The following DYNC2H1 variants were observed in gnomAD, a reference collection of about 807,000 sequenced individuals.
DYNC2H1 encodes the protein dynein cytoplasmic 2 heavy chain 1.
DYNC2H1 carries 410 observed loss-of-function variants against 570.0 expected under a neutral mutation model. The observed-to-expected ratio is 0.72, with a 90% CI of 0.66 to 0.78. DYNC2H1 has a LOEUF of 0.78. Ranked by LOEUF, DYNC2H1 falls within the 30% of genes least tolerant of loss-of-function variation. The probability of loss-of-function intolerance (pLI) is 0.00; values close to 1 mark genes in which losing one functional copy is unlikely to be tolerated. For synonymous variants in DYNC2H1, 1,688 were observed against 1,677.6 expected (o/e 1.01, Z -0.15); for missense variants, 4,865 against 5,046.4 (o/e 0.96, Z 1.09).
intron 40 of DYNC2H1, among the ~76,000 whole-genome samples, chr11:103,182,152 GTCTT>G (rs1383809734): frequency 2.6e-5 from 4 of 151,348 alleles, no homozygotes; most frequent in African/African-American, 9.7e-5. Context: ...TTACTAGAAT[GTCTT>G]TCTAATTTTT....
intron 56 of DYNC2H1, 126 bp downstream of exon 56, chr11:103,220,154 A>G (rs1359423981): frequency 6.0e-6 from 3 of 503,796 alleles, no homozygotes; most frequent in Non-Finnish European, 1.0e-5. Flanking sequence ...TTCAACCAAA[A>G]TGTTACTTGT....
chr11:103,428,521 A>T (rs1943762988), intron 84 of DYNC2H1, among the ~76,000 whole-genome samples: 1 of 152,214 alleles, frequency 6.6e-6, no homozygotes, highest in African/African-American at 2.4e-5. Context: ...TACTGTGTTA[A>T]CCATTTTTAA....
intron 70 of DYNC2H1, among the ~76,000 whole-genome samples, chr11:103,262,001 C>G (rs1865314030): frequency 6.6e-6 from 1 of 152,064 alleles, no homozygotes; most frequent in Admixed American, 6.6e-5. Context: ...TAGAGAAGAA[C>G]ATAAATGACC....
At chr11:103,281,959 T>C (rs1866155788) in intron 71 of DYNC2H1, among the ~76,000 whole-genome samples, 1 of 152,058 alleles carries the variant, frequency 6.6e-6, no homozygotes, top group Admixed American at 6.6e-5. Context: ...GGAGTTGTTT[T>C]GTTTTAATAA....
intron 70 of DYNC2H1, among the ~76,000 whole-genome samples, chr11:103,270,603 G>A (rs765110199): frequency 1.6e-5 from 2 of 126,876 alleles, no homozygotes; most frequent in Non-Finnish European, 3.5e-5. Flanking sequence ...TCTCTCTCTC[G>A]AACTATCTTA....
At position 103,173,097 on chromosome 11, in the gene DYNC2H1, A is replaced by G; in HGVS notation, c.5350A>G (p.Asn1784Asp). The change falls in exon 35 of 89, where the codon AAT becomes GAT. Residue 1784 changes from asparagine to aspartate, a missense_variant. Asn to Asp is a conservative substitution (Grantham distance 23). Around this residue, in one of 5 missense-constraint regions of DYNC2H1, gnomAD observed 292 missense variants for 300.2 expected, o/e 0.97. Coordinates refer to ENST00000375735, the MANE Select transcript of DYNC2H1 (RefSeq NM_001377.3). ...LLGKEVEVNS[N>D]SGIFITMNPA... ...AATATTTCAGGTAGAAGTAAATTCT[A>G]ATTCTGGAATTTTTATCACTATGAA... 1.5e-6 allele frequency: 2 copies of G among 1,360,932 alleles called. No individual in the cohort carries two copies. Among genetic ancestry groups the G allele is most frequent in the African/African-American group, 1.5e-5 (1 of 66,602 alleles). The allele number at this position is 1,360,932 out of a possible 1,614,324, so 84.3% of individuals were successfully genotyped here. A position where few individuals can be genotyped will look rare whatever the true frequency, so the allele number is the denominator to read the frequency against.
At chr11:103,456,501 T>C in intron 87 of DYNC2H1, 145 bp downstream of exon 87, 1 of 548,924 alleles carries the variant, frequency 1.8e-6, no homozygotes. Context: ...AAAATCAAAA[T>C]AAGATTTGGC....
rs1865286766 is a variant in DYNC2H1 at position 103,261,569 on chromosome 11, A to G, written c.10695+1592A>G. Among the ~76,000 whole-genome samples, 1 of 152,136 alleles carries G rather than the reference A, an allele frequency of 6.6e-6. No individual in the cohort carries two copies. Among genetic ancestry groups the G allele is most frequent in the South Asian group, 2.1e-4 (1 of 4,816 alleles). On this transcript the variant is annotated intron_variant, in intron 70 of 88. Coordinates refer to ENST00000375735, the MANE Select transcript of DYNC2H1 (RefSeq NM_001377.3). This position sits in a 1 kb window ranked among gnomAD's most constrained non-coding sequence, Gnocchi z 4.8. ...CCCAGGCAAACAGGGTCAGGAGTGG[A>G]CCTCCTGCAAAGTCCAGCAGACCTG...
rs912974338 is a variant in DYNC2H1 at position 103,245,092 on chromosome 11, A to G, written c.9919-159A>G. Among the ~76,000 whole-genome samples, 4 of 151,982 alleles carry G rather than the reference A, an allele frequency of 2.6e-5. No homozygotes were observed. Among genetic ancestry groups the G allele is most frequent in the African/African-American group, 9.7e-5 (4 of 41,418 alleles). The stretch of plus-strand genomic sequence containing the variant: ...GTGTGATTCTGAACATAAGCAGAGT[A>G]GGGTTCTTATTAATACTTGGGTGAG... On this transcript the variant is annotated intron_variant, in intron 64 of 88. Transcript: ENST00000375735. The surrounding 1 kb of genome is among the most constrained non-coding windows in gnomAD (Gnocchi z 4.5).
Position 103,324,195 on chromosome 11 carries a change from C to T in DYNC2H1, c.12039+205C>T, listed in dbSNP as rs1430231541. Among the ~76,000 whole-genome samples the T allele has an allele frequency of 6.6e-6, 1 of 151,954 alleles. No individual in the cohort carries two copies. The highest frequency in any genetic ancestry group is 1.5e-5 in the Non-Finnish European group (1 of 68,002). ...TCTTTTTAAACTTTTATTTTAGACTCAGGGGAAATGTGCAGATTTGTTACA... is the reference window on the plus strand; with the variant it reads ...TCTTTTTAAACTTTTATTTTAGACTTAGGGGAAATGTGCAGATTTGTTACA... On this transcript the variant is annotated intron_variant, in intron 82 of 88. Transcript: ENST00000375735. The surrounding 1 kb of genome is among the most constrained non-coding windows in gnomAD (Gnocchi z 5.2).
At chr11:103,247,140 G>A (rs1864650098) in intron 65 of DYNC2H1, among the ~76,000 whole-genome samples, 2 of 151,914 alleles carry the variant, frequency 1.3e-5, no homozygotes, top group African/African-American at 4.8e-5. Flanking sequence ...AGAGGCTAGT[G>A]TAGTTGGCTA....
chr11:103,382,278 A>G (rs1439976192), intron 83 of DYNC2H1, among the ~76,000 whole-genome samples: 3 of 152,192 alleles, frequency 2.0e-5, no homozygotes, highest in Non-Finnish European at 4.4e-5. Context: ...GAATCTGTTG[A>G]GAGAAAAATA....
At chr11:103,355,499 G>T (rs2135519604) in intron 82 of DYNC2H1, among the ~76,000 whole-genome samples, 1 of 152,144 alleles carries the variant, frequency 6.6e-6, no homozygotes, top group East Asian at 1.9e-4. Flanking sequence ...CTATAGAGTT[G>T]GTATTGTTTG....
Position 103,252,379 on chromosome 11 carries a change from G to T in DYNC2H1, c.10043-906G>T, listed in dbSNP as rs1227063294. The stretch of plus-strand genomic sequence containing the variant: ...CCTTTGGGCATATACCCAGAAAAAA[G>T]ATTGCTGGGTCATATGGTAGTTCTG... On this transcript the variant is annotated intron_variant, in intron 65 of 88. Coordinates refer to ENST00000375735, the MANE Select transcript of DYNC2H1 (RefSeq NM_001377.3). This position sits in a 1 kb window ranked among gnomAD's most constrained non-coding sequence, Gnocchi z 4.6. 6.6e-6 allele frequency among the ~76,000 whole-genome samples: 1 copy of T among 152,102 alleles called. No individual in the cohort carries two copies. The highest frequency in any genetic ancestry group is 1.5e-5 in the Non-Finnish European group (1 of 68,020).
At chr11:103,187,274 T>C (rs1303816247) in intron 42 of DYNC2H1, 66 bp from the exon 43 acceptor site, 36 of 1,581,818 alleles carry the variant, frequency 2.3e-5, no homozygotes, top group Non-Finnish European at 2.8e-5. Flanking sequence ...AAATTTCTTA[T>C]TGAGTATAAA....
rs1861808945 is a variant in DYNC2H1, at chr11:103,176,327, A to G, written c.5767A>G (p.Lys1923Glu). 6.3e-7 allele frequency: 1 copy of G among 1,575,006 alleles called. No individual in the cohort carries two copies. Among genetic ancestry groups the G allele is most frequent in the South Asian group, 1.2e-5 (1 of 84,744 alleles). ...TDCTRFDALI[K>E]DVFPGIELKE... ...TTGCACCCGGTTTGATGCACTGATA[A>G]AAGATGTCTTTCCGGGAATTGAATT... The change falls in exon 37 of 89, where the codon AAA becomes GAA. Residue 1923 changes from lysine (K) to glutamate (E), a missense_variant. Coordinates refer to ENST00000375735, the MANE Select transcript of DYNC2H1 (RefSeq NM_001377.3).
chr11:103,203,912 A>G lies in DYNC2H1; in HGVS notation c.8311+136A>G. ...CTGGAGCTTTTAGAAAGTAACACCTAACTAGTGGATAGGCTAACCTATAAT... is the reference window on the plus strand; with the variant it reads ...CTGGAGCTTTTAGAAAGTAACACCTGACTAGTGGATAGGCTAACCTATAAT... On this transcript the variant is annotated intron_variant, in intron 51 of 88. Transcript: ENST00000375735. The surrounding 1 kb of genome is among the most constrained non-coding windows in gnomAD (Gnocchi z 4.7). The G allele has an allele frequency of 1.7e-6, 1 of 599,216 alleles. No individual in the cohort carries two copies. Among genetic ancestry groups the G allele is most frequent in the Non-Finnish European group, 2.9e-6 (1 of 350,304 alleles). 37.1% of individuals were successfully genotyped at this position (599,216 alleles called of 1,614,324 possible).
intron 50 of DYNC2H1, among the ~76,000 whole-genome samples, chr11:103,200,472 C>T (rs1346170903): frequency 6.6e-6 from 1 of 152,128 alleles, no homozygotes; most frequent in East Asian, 1.9e-4. Flanking sequence ...TTATTAAAAG[C>T]TGTGCCATAC....
intron 83 of DYNC2H1, among the ~76,000 whole-genome samples, chr11:103,371,532 A>G (rs1941146303): frequency 2.0e-5 from 3 of 152,210 alleles, no homozygotes; most frequent in African/African-American, 4.8e-5. Context: ...AGATCAAGGA[A>G]AAAGAAAGGA....
Sources: allele counts gnomAD v4.1 joint callset (sites outside exome capture counted in the v4.1 genomes callset), GRCh38; gene constraint gnomAD v4.1.1; regional missense constraint gnomAD v4.1.1; non-coding constraint Gnocchi (gnomAD v3.1); transcripts MANE v1.5; gene names NCBI Gene and HGNC (gene_info 2026-07-23, HGNC 2026-07-21).